The following TBC1D30 variants were observed in gnomAD, a reference collection of about 807,000 sequenced individuals.
The protein encoded by TBC1D30 is TBC1 domain family member 30.
Under a neutral mutation model 63.2 loss-of-function variants are expected in TBC1D30, and 31 were observed. That is an observed-to-expected ratio of 0.49 (90% CI 0.37 to 0.66). The LOEUF (loss-of-function observed/expected upper bound fraction) is 0.66. TBC1D30 is among the 30% of genes least tolerant of loss of function. The pLI is 0.00. For synonymous variants in TBC1D30, 307 were observed against 361.5 expected, an observed-to-expected ratio of 0.85 and a Z score of 1.71; for missense variants, 810 against 953.6, an observed-to-expected ratio of 0.85 and a Z score of 1.98.
At chr12:64,780,224 T>C (rs1871196421), upstream of TBC1D30, among the ~76,000 whole-genome samples, 1 of 152,210 alleles carries the variant, frequency 6.6e-6, no homozygotes, top group Non-Finnish European at 1.5e-5. Flanking sequence ...AGAAAGCTTA[T>C]TGTCAGAGAC....
At chr12:64,844,894 A>G (rs1876220562) in intron 8 of TBC1D30, among the ~76,000 whole-genome samples, 3 of 152,334 alleles carry the variant, frequency 2.0e-5, no homozygotes, top group Admixed American at 2.0e-4. Flanking sequence ...GGCTTATTTC[A>G]CTTAACGTAA....
intron 1 of TBC1D30, among the ~76,000 whole-genome samples, chr12:64,827,442 A>G (rs1874455773): frequency 6.6e-6 from 1 of 152,204 alleles, no homozygotes; most frequent in South Asian, 2.1e-4. Flanking sequence ...CCTGGGTGAT[A>G]TATTGAGACT....
chr12:64,779,729 A>G (rs1871179618), upstream of TBC1D30, among the ~76,000 whole-genome samples: 1 of 152,190 alleles, frequency 6.6e-6, no homozygotes, highest in South Asian at 2.1e-4. Flanking sequence ...ACACTTTATG[A>G]AAAGTTCACT....
chr12:64,860,544 A>G (rs1253838915), intron 8 of TBC1D30, among the ~76,000 whole-genome samples: 1 of 152,072 alleles, frequency 6.6e-6, no homozygotes, highest in South Asian at 2.1e-4. Context: ...TGTGAATAAT[A>G]CAACTGGTTA....
intron 6 of TBC1D30, among the ~76,000 whole-genome samples, chr12:64,838,046 A>T (rs562460559): frequency 6.6e-6 from 1 of 152,354 alleles, no homozygotes; most frequent in Admixed American, 6.5e-5. Context: ...TCATAAAAAT[A>T]TATACTGATC....
At chr12:64,841,682 C>T (rs886937968) in intron 7 of TBC1D30, among the ~76,000 whole-genome samples, 1 of 152,236 alleles carries the variant, frequency 6.6e-6, no homozygotes, top group Non-Finnish European at 1.5e-5. Context: ...TGCAGTTCCC[C>T]AGATAAGGCC....
intron 1 of TBC1D30, among the ~76,000 whole-genome samples, chr12:64,781,727 C>G (rs1173053792): frequency 6.6e-6 from 1 of 151,366 alleles, no homozygotes; most frequent in East Asian, 1.9e-4. Flanking sequence ...TTAAAGTCCG[C>G]CTTCTCTGGT....
At chr12:64,836,720 T>G (rs1875393602) in intron 6 of TBC1D30, 62 bp downstream of exon 6, 1 of 1,400,826 alleles carries the variant, frequency 7.1e-7, no homozygotes, top group African/African-American at 1.4e-5. Context: ...ACTGTACAAA[T>G]GAGCCTAAAC....
intron 7 of TBC1D30, 67 bp from the exon 8 acceptor site, chr12:64,843,313 C>A: frequency 7.5e-7 from 1 of 1,334,884 alleles, no homozygotes. Context: ...CTTATACCTG[C>A]AGCATGTACT....
chr12:64,871,194 T>A (rs1878629574), intron 11 of TBC1D30, among the ~76,000 whole-genome samples: 1 of 152,184 alleles, frequency 6.6e-6, no homozygotes, highest in African/African-American at 2.4e-5. Context: ...TAAATTAAGC[T>A]GTATACTAGT....
chr12:64,838,887 G>A, intron 7 of TBC1D30, 36 bp downstream of exon 7: 1 of 1,523,130 alleles, frequency 6.6e-7, no homozygotes, highest in Non-Finnish European at 8.8e-7. Context: ...GTTCTGTGAT[G>A]TTGAGGGCCT....
At chr12:64,819,482 T>C (rs1258151913) in intron 2 of TBC1D30, among the ~76,000 whole-genome samples, 1 of 146,042 alleles carries the variant, frequency 6.8e-6, no homozygotes, top group Non-Finnish European at 1.5e-5. Context: ...AGTGGCATGA[T>C]CTCGGCTCAC....
At chr12:64,858,338 A>G (rs939876) in intron 8 of TBC1D30, among the ~76,000 whole-genome samples, 14,721 of 152,282 alleles carry the variant, frequency 0.097, 886 homozygotes, top group Middle Eastern at 0.16. Flanking sequence ...CGTCTGCTCT[A>G]ATACAGAATG....
chr12:64,866,458 C>A (rs112615878), intron 9 of TBC1D30, among the ~76,000 whole-genome samples: 2 of 150,728 alleles, frequency 1.3e-5, no homozygotes, highest in African/African-American at 4.9e-5. Flanking sequence ...TTTTTTGAGA[C>A]GGAGTCTTGC....
intron 8 of TBC1D30, among the ~76,000 whole-genome samples, chr12:64,847,926 AT>A (rs529946903): frequency 0.011 from 1,577 of 149,888 alleles, 9 homozygotes; most frequent in Non-Finnish European, 0.018. Context: ...AAATTTGATG[AT>A]TTTTTTTGTT....
chr12:64,765,571 A>G (rs1377618173), intron 1 of TBC1D30, among the ~76,000 whole-genome samples: 2 of 151,426 alleles, frequency 1.3e-5, no homozygotes, highest in East Asian at 1.9e-4. Context: ...ACCAGAAGAA[A>G]AAATTGTCAA....
chr12:64,772,812 A>C (rs1870953972), intron 1 of TBC1D30, among the ~76,000 whole-genome samples: 1 of 152,232 alleles, frequency 6.6e-6, no homozygotes. Flanking sequence ...TCTCTAAAAA[A>C]AGAAAATCAC....
At chr12:64,765,051 G>C (rs765042398) in intron 1 of TBC1D30, among the ~76,000 whole-genome samples, 4 of 152,146 alleles carry the variant, frequency 2.6e-5, no homozygotes, top group Non-Finnish European at 5.9e-5. Flanking sequence ...CAGAAACAAA[G>C]CTTGGGTACA....
chr12:64,857,095 C>T (rs1474358307), intron 8 of TBC1D30, among the ~76,000 whole-genome samples: 1 of 152,128 alleles, frequency 6.6e-6, no homozygotes, highest in Admixed American at 6.5e-5. Flanking sequence ...TCTACTGTGG[C>T]TGAGCTGGTA....
Sources: gnomAD v4.1 joint callset for allele counts (sites outside exome capture counted in the v4.1 genomes callset) on GRCh38, gnomAD v4.1.1 for gene constraint, MANE v1.5 for transcripts, NCBI Gene and HGNC (gene_info 2026-07-23, HGNC 2026-07-21) for gene names.